MGAM2: variants seen among roughly 807,000 people sequenced by gnomAD.
MGAM2 encodes the protein maltase-glucoamylase 2 (putative).
MGAM2 carries 98 observed loss-of-function variants against 96.1 expected under a neutral mutation model. The ratio of observed to expected loss-of-function variants is 1.02; its 90% CI spans 0.87 to 1.21. The LOEUF (loss-of-function observed/expected upper bound fraction) is 1.21. Ranked by LOEUF, MGAM2 falls within the 50% of genes most tolerant of loss-of-function variation. The pLI, the probability that MGAM2 is intolerant of heterozygous loss-of-function variation, is 0.00. For synonymous variants in MGAM2, 749 were observed against 414.8 expected (o/e 1.81, Z -9.79); for missense variants, 2,055 against 1,182.4 (o/e 1.74, Z -10.82).
intron 21 of MGAM2, 74 bp from the exon 22 acceptor site, chr7:142,161,051 G>T (rs994570264): frequency 4.4e-6 from 3 of 683,346 alleles, no homozygotes; most frequent in Non-Finnish European, 8.0e-6. Context: ...CTGTCCCTGG[G>T]GGATGAAGGT....
At chr7:142,149,794 G>A (rs1173458083) in intron 15 of MGAM2, among the ~76,000 whole-genome samples, 1 of 152,024 alleles carries the variant, frequency 6.6e-6, no homozygotes, top group Admixed American at 6.6e-5. Context: ...ACCCGCCTTG[G>A]CCTCCCAAAG....
Position 142,153,653 on chromosome 7 carries a change from A to G in MGAM2, c.1635-365A>G, listed in dbSNP as rs184821186. Among the ~76,000 whole-genome samples the G allele has an allele frequency of 1.1e-4, 16 of 152,320 alleles. 1 individual carries two copies. The highest frequency in any genetic ancestry group is 3.8e-4 in the African/African-American group (16 of 41,574). On this transcript the variant is annotated intron_variant, in intron 15 of 47. Coordinates refer to ENST00000477922, the MANE Select transcript of MGAM2 (RefSeq NM_001293626.2). ...TGCATGGCAGAAATTCATGGAACCA[A>G]AGGACATTAGAAAAAAGATGGGACA...
At chr7:142,194,740 A>G (rs1251676455) in intron 37 of MGAM2, among the ~76,000 whole-genome samples, 2 of 136,688 alleles carry the variant, frequency 1.5e-5, no homozygotes, top group Admixed American at 1.5e-4. Flanking sequence ...ATTTCCATTC[A>G]TTTTTGGATT....
intron 46 of MGAM2, among the ~76,000 whole-genome samples, chr7:142,214,230 C>G (rs1797677855): frequency 6.6e-6 from 1 of 152,152 alleles, no homozygotes; most frequent in African/African-American, 2.4e-5. Context: ...TGGAAGCTTT[C>G]CCTTTGAAAA....
chr7:142,122,918 C>T (rs1794625153), intron 3 of MGAM2, among the ~76,000 whole-genome samples: 1 of 152,116 alleles, frequency 6.6e-6, no homozygotes, highest in Admixed American at 6.6e-5. Flanking sequence ...CAACCTCTGC[C>T]TCCCCGGTTC....
At chr7:142,207,944 A>C (rs1797459454) in intron 45 of MGAM2, among the ~76,000 whole-genome samples, 1 of 152,154 alleles carries the variant, frequency 6.6e-6, no homozygotes, top group Non-Finnish European at 1.5e-5. Context: ...AGGATGAGCT[A>C]AGAGTAGGGA....
intron 9 of MGAM2, among the ~76,000 whole-genome samples, chr7:142,138,222 C>T (rs2129079619): frequency 6.6e-6 from 1 of 152,250 alleles, no homozygotes; most frequent in South Asian, 2.1e-4. Context: ...TGCTCTGTGC[C>T]ACTATATTCC....
chr7:142,125,110 C>A (rs190270903), intron 3 of MGAM2, among the ~76,000 whole-genome samples: 41 of 152,204 alleles, frequency 2.7e-4, no homozygotes, highest in African/African-American at 9.2e-4. Context: ...AGGCAACATG[C>A]AGCTATGGTA....
rs571932686 is a variant in MGAM2, at chr7:142,190,827, A to AT, written c.4346+1330dup. ...TCCTTTGCTCATTTTTGATAGAATC[A>AT]TTTTTTTTAATTATTATTGAGTTGT... is the stretch of plus-strand genomic sequence containing the variant. On this transcript the variant is annotated intron_variant, in intron 37 of 47. Transcript: ENST00000477922. Among the ~76,000 whole-genome samples the AT allele has an allele frequency of 5.9e-4, 89 of 151,900 alleles. No homozygotes were observed. The South Asian group carries it at 0.013, about 22-fold the overall frequency.
In MGAM2 at chr7:142,220,917, A is replaced by G; in HGVS notation, c.6406A>G (p.Thr2136Ala). 1 of 701,840 alleles carries G rather than the reference A, an allele frequency of 1.4e-6. No individual in the cohort carries two copies. The highest frequency in any genetic ancestry group is 1.5e-5 in the South Asian group (1 of 67,538). 43.5% of individuals were successfully genotyped at this position (701,840 alleles called of 1,614,324 possible). Residue 2136 changes from threonine to alanine, a missense_variant, in exon 48 of 48, where the codon ACT becomes GCT. By Grantham distance (58) the Thr-to-Ala change is moderately conservative (BLOSUM62 0). Transcript: ENST00000477922. Reference protein sequence around the residue: ...LTGTTDVSTSTTINNISTPVQ... With the variant: ...LTGTTDVSTSATINNISTPVQ... ...AGGTACTACTGATGTTAGCACTAGTACTACTATTAATAATATAAGTACTCC... is the reference window on the plus strand; with the variant it reads ...AGGTACTACTGATGTTAGCACTAGTGCTACTATTAATAATATAAGTACTCC...
intron 1 of MGAM2, among the ~76,000 whole-genome samples, chr7:142,115,851 TATAAATAA>T (rs561110016): frequency 6.6e-6 from 1 of 151,948 alleles, no homozygotes; most frequent in Non-Finnish European, 1.5e-5. Context: ...TCTCAAAATA[TATAAATAA>T]ATAAATAAAT....
intron 1 of MGAM2, among the ~76,000 whole-genome samples, chr7:142,113,214 CTT>C (rs998788706): frequency 3.9e-4 from 59 of 152,066 alleles, no homozygotes; most frequent in African/African-American, 1.3e-3. Flanking sequence ...AGAGAACAGT[CTT>C]TGTCCCTGCT....
In MGAM2 at chr7:142,142,538, T is replaced by G. The variant is rs1397867103; in HGVS notation, c.1318-1231T>G. On this transcript the variant is annotated intron_variant, in intron 12 of 47. Coordinates refer to ENST00000477922, the MANE Select transcript of MGAM2 (RefSeq NM_001293626.2). ...TAGTGGTGTGTGTTTTTTTTTTTTT[T>G]TTTTTTTTTTGAGATGGAGTCTTGC... Among the ~76,000 whole-genome samples, 5 of 143,050 alleles carry G rather than the reference T, an allele frequency of 3.5e-5. No individual in the cohort carries two copies. The South Asian group carries it at 6.9e-4, about 20-fold the overall frequency. 93.8% of individuals were successfully genotyped at this position (143,050 alleles called of 152,430 possible).
At position 142,218,353 on chromosome 7, in the gene MGAM2, C is replaced by T; in HGVS notation, c.5188-8C>T. On this transcript the variant is annotated splice_region_variant and splice_polypyrimidine_tract_variant and intron_variant, in intron 46 of 47. Coordinates refer to ENST00000477922, the MANE Select transcript of MGAM2 (RefSeq NM_001293626.2). Reference sequence around the variant, plus strand: ...ATGTATTCTTTTCTCTTTATAAATTCTTTATAGAACATCCTGCAAATCCAG... The same window carrying T: ...ATGTATTCTTTTCTCTTTATAAATTTTTTATAGAACATCCTGCAAATCCAG... The T allele has an allele frequency of 1.5e-6, 1 of 675,386 alleles. No individual in the cohort carries two copies. Among genetic ancestry groups the T allele is most frequent in the South Asian group, 1.7e-5 (1 of 59,634 alleles). The allele number at this position is 675,386 out of a possible 1,614,324, so 41.8% of individuals were successfully genotyped here.
chr7:142,159,961 G>C (rs181262267), intron 20 of MGAM2, among the ~76,000 whole-genome samples, 173 bp from the exon 21 acceptor site: 224 of 152,296 alleles, frequency 1.5e-3, no homozygotes, highest in Non-Finnish European at 2.8e-3. Context: ...AAGGGGATTG[G>C]AGTGTCAGCT....
chr7:142,182,529 C>A (rs1310835127), intron 32 of MGAM2, among the ~76,000 whole-genome samples: 2 of 152,182 alleles, frequency 1.3e-5, no homozygotes, highest in Non-Finnish European at 2.9e-5. Context: ...GCTGCAGATG[C>A]CCTGTATGCA....
chr7:142,135,723 T>TACACACACACACAC (rs144830276), intron 7 of MGAM2, among the ~76,000 whole-genome samples: 16,130 of 144,914 alleles, frequency 0.11, 1,009 homozygotes, highest in East Asian at 0.19. Flanking sequence ...CACTTAGAGT[T>TACACACACACACAC]ACACACACAC....
chr7:142,182,402 C>T (rs552189581), intron 32 of MGAM2, among the ~76,000 whole-genome samples: 21 of 152,246 alleles, frequency 1.4e-4, no homozygotes, highest in African/African-American at 4.6e-4. Flanking sequence ...ATCAGATGCA[C>T]CCTTGTTCTG....
At chr7:142,210,879 G>A (rs973660505) in intron 46 of MGAM2, among the ~76,000 whole-genome samples, 3 of 152,198 alleles carry the variant, frequency 2.0e-5, no homozygotes, top group Admixed American at 6.5e-5. Flanking sequence ...CCTGACCCCC[G>A]TGCCTCCTGA....
Sources: allele counts gnomAD v4.1 joint callset (sites outside exome capture counted in the v4.1 genomes callset), GRCh38; gene constraint gnomAD v4.1.1; transcripts MANE v1.5; gene names NCBI Gene and HGNC (gene_info 2026-07-23, HGNC 2026-07-21).